ARSK: variants seen among roughly 807,000 people sequenced by gnomAD.
The protein encoded by ARSK is arylsulfatase K.
In ARSK, 37 loss-of-function variants were observed where a neutral mutation model predicts 53.2. The observed-to-expected ratio is 0.70, with a 90% CI of 0.54 to 0.92. ARSK has a LOEUF of 0.92. ARSK is among the 40% of genes least tolerant of loss of function. The pLI, the probability that ARSK is intolerant of heterozygous loss-of-function variation, is 0.00. For missense variants in ARSK, 613 were observed against 643.0 expected (o/e 0.95, Z 0.51); for synonymous variants, 208 against 223.2 (o/e 0.93, Z 0.61).
chr5:95,574,656 G>C (rs772223294), intron 3 of ARSK, among the ~76,000 whole-genome samples: 1 of 152,026 alleles, frequency 6.6e-6, no homozygotes, highest in African/African-American at 2.4e-5. Flanking sequence ...AGAAATGTCT[G>C]TTCAGATCTT....
intron 6 of ARSK, 67 bp downstream of exon 6, chr5:95,591,692 T>G: frequency 6.7e-7 from 1 of 1,496,382 alleles, no homozygotes; most frequent in Non-Finnish European, 9.3e-7. Flanking sequence ...AAGTTGTCAG[T>G]GAGTCAGTCT....
In ARSK at chr5:95,556,164, C is replaced by G; in HGVS notation, c.126+760C>G. On this transcript the variant is annotated intron_variant, in intron 1 of 7. Coordinates refer to ENST00000380009, the MANE Select transcript of ARSK (RefSeq NM_198150.3). Reference sequence around the variant, plus strand: ...ATGTTGGTGTTAAGCATATCTGGCACTAAAGAGTGTTTGTAATCATATGTT... The same window carrying G: ...ATGTTGGTGTTAAGCATATCTGGCAGTAAAGAGTGTTTGTAATCATATGTT... 3 of 701,588 alleles carry G rather than the reference C, an allele frequency of 4.3e-6. No individual in the cohort carries two copies. The South Asian group carries it at 4.5e-5, about 10-fold the overall frequency. 43.5% of individuals were successfully genotyped at this position (701,588 alleles called of 1,614,324 possible).
At chr5:95,565,915 G>T (rs974703721) in intron 1 of ARSK, 83 bp from the exon 2 acceptor site, 1 of 1,275,918 alleles carries the variant, frequency 7.8e-7, no homozygotes, top group East Asian at 2.5e-5. Flanking sequence ...GAAGTCTTCT[G>T]CTATTGTAAA....
chr5:95,566,913 T>C (rs536875795), intron 2 of ARSK, among the ~76,000 whole-genome samples: 1 of 152,342 alleles, frequency 6.6e-6, no homozygotes, highest in South Asian at 2.1e-4. Context: ...AACAACTATA[T>C]TATTACCAGT....
At chr5:95,558,407 T>G (rs948858836) in intron 1 of ARSK, among the ~76,000 whole-genome samples, 1 of 152,012 alleles carries the variant, frequency 6.6e-6, no homozygotes, top group African/African-American at 2.4e-5. Context: ...GGAAAAATAG[T>G]AGAGAAAATC....
rs1748490781 is a variant in ARSK at position 95,555,846 on chromosome 5, A to C, written c.126+442A>C. On this transcript the variant is annotated intron_variant, in intron 1 of 7. Transcript: ENST00000380009. This position sits in a 1 kb window ranked among gnomAD's most constrained non-coding sequence, Gnocchi z 4.0. ...TGAGAAGTGAAGAAAGTTTATTTTT[A>C]TTACCCAGGTCTGTGATAATCCTGT... Among the ~76,000 whole-genome samples the C allele has an allele frequency of 6.6e-6, 1 of 152,244 alleles. No homozygotes were observed. Among genetic ancestry groups the C allele is most frequent in the African/African-American group, 2.4e-5 (1 of 41,466 alleles).
rs1014652355 is a variant in ARSK at position 95,572,702 on chromosome 5, C to T, written c.416+4653C>T. Reference sequence around the variant, plus strand: ...CTGAGGCAGGAGAATGGCGTGAACCCGGGAGGCGGAGCTTGCAGCGAGCCG... The same window carrying T: ...CTGAGGCAGGAGAATGGCGTGAACCTGGGAGGCGGAGCTTGCAGCGAGCCG... On this transcript the variant is annotated intron_variant, in intron 3 of 7. Coordinates refer to ENST00000380009, the MANE Select transcript of ARSK (RefSeq NM_198150.3). Among the ~76,000 whole-genome samples, 9 of 152,128 alleles carry T rather than the reference C, an allele frequency of 5.9e-5. 1 individual carries two copies. The highest frequency in any genetic ancestry group is 3.4e-3 in the Middle Eastern group (1 of 294).
At chr5:95,559,202 A>G (rs1748584209) in intron 1 of ARSK, among the ~76,000 whole-genome samples, 1 of 152,208 alleles carries the variant, frequency 6.6e-6, no homozygotes, top group African/African-American at 2.4e-5. Flanking sequence ...CATCACAAGG[A>G]AAGAAACCCA....
chr5:95,565,417 A>G (rs1043414673), intron 1 of ARSK, among the ~76,000 whole-genome samples: 1 of 152,010 alleles, frequency 6.6e-6, no homozygotes, highest in Non-Finnish European at 1.5e-5. Context: ...CTTCCATCTC[A>G]CAGATATCTC....
At chr5:95,586,468 A>T in intron 4 of ARSK, 94 bp from the exon 5 acceptor site, 1 of 955,890 alleles carries the variant, frequency 1.0e-6, no homozygotes, top group Non-Finnish European at 1.6e-6. Flanking sequence ...TATTCTAAGT[A>T]ATTAAACATT....
intron 7 of ARSK, 83 bp from the exon 8 acceptor site, chr5:95,603,154 A>G: frequency 9.2e-7 from 1 of 1,087,938 alleles, no homozygotes; most frequent in Non-Finnish European, 1.3e-6. Context: ...AAAAAAATCT[A>G]ATACATTACC....
Position 95,594,651 on chromosome 5 carries a change from C to G in ARSK, c.1096+3026C>G, listed in dbSNP as rs182106989. Among the ~76,000 whole-genome samples the G allele has an allele frequency of 3.8e-3, 577 of 152,224 alleles. 4 individuals are homozygous for G. The highest frequency in any genetic ancestry group is 6.4e-3 in the South Asian group (31 of 4,830). Reference sequence around the variant, plus strand: ...GGTCAGGAGATCGAGACTGTCCTGGCTAACATGGTGAAATCCTGTCTCTAC... The same window carrying G: ...GGTCAGGAGATCGAGACTGTCCTGGGTAACATGGTGAAATCCTGTCTCTAC... On this transcript the variant is annotated intron_variant, in intron 6 of 7. Coordinates refer to ENST00000380009, the MANE Select transcript of ARSK (RefSeq NM_198150.3).
chr5:95,586,721 G>C lies in ARSK; in HGVS notation c.859G>C (p.Asp287His). The change falls in exon 5 of 8, where the codon GAT becomes CAT. Residue 287 changes from aspartate to histidine, a missense_variant. Asp to His is a moderately conservative substitution (Grantham distance 81, BLOSUM62 -1). Transcript: ENST00000380009. ...TTATTATGCTATGTGTGCTGAGACA[G>C]ATGCCATGCTTGGTAGGTGGTATAA... ...AFYYAMCAETDAMLGEIILAL... is the reference protein window; with the variant it reads ...AFYYAMCAETHAMLGEIILAL... 1 of 1,593,106 alleles carries C rather than the reference G, an allele frequency of 6.3e-7. No homozygotes were observed. The highest frequency in any genetic ancestry group is 8.5e-7 in the Non-Finnish European group (1 of 1,172,804).
At chr5:95,557,234 A>T (rs1330661342) in intron 1 of ARSK, among the ~76,000 whole-genome samples, 1 of 152,142 alleles carries the variant, frequency 6.6e-6, no homozygotes, top group East Asian at 1.9e-4. Context: ...TCTTGTATTT[A>T]GAGACCACAG....
chr5:95,567,835 T>C (rs752517259), intron 2 of ARSK, 55 bp from the exon 3 acceptor site: 2 of 1,520,966 alleles, frequency 1.3e-6, no homozygotes, highest in Non-Finnish European at 1.8e-6. Context: ...ATTGTCCTAA[T>C]AGTTAAATTG....
intron 3 of ARSK, 111 bp downstream of exon 3, chr5:95,568,160 C>T: frequency 8.5e-7 from 1 of 1,177,016 alleles, no homozygotes; most frequent in Non-Finnish European, 1.2e-6. Flanking sequence ...AAGTAAATCT[C>T]TTAATCCCTT....
chr5:95,562,568 AATG>A (rs1240468237), intron 1 of ARSK, among the ~76,000 whole-genome samples: 13 of 152,244 alleles, frequency 8.5e-5, no homozygotes, highest in Admixed American at 7.8e-4. Flanking sequence ...CATGGCCCAT[AATG>A]ATAAGGAACC....
intron 7 of ARSK, among the ~76,000 whole-genome samples, chr5:95,601,511 A>G (rs1749401495): frequency 6.6e-6 from 1 of 152,226 alleles, no homozygotes; most frequent in Admixed American, 6.5e-5. Context: ...AGAAATTTGG[A>G]TACCTGTGTG....
chr5:95,576,200 C>CTTTTT (rs60974669), intron 3 of ARSK, among the ~76,000 whole-genome samples: 14 of 130,240 alleles, frequency 1.1e-4, no homozygotes, highest in African/African-American at 4.3e-4. Flanking sequence ...AAGTGTATAC[C>CTTTTT]TTTTTTTTTT....
Sources: allele counts gnomAD v4.1 joint callset (sites outside exome capture counted in the v4.1 genomes callset), GRCh38; gene constraint gnomAD v4.1.1; non-coding constraint Gnocchi (gnomAD v3.1); transcripts MANE v1.5; gene names NCBI Gene and HGNC (gene_info 2026-07-23, HGNC 2026-07-21).